Variants in BCL6 observed in about 807,000 individuals in gnomAD.
BCL6 encodes the protein B-cell lymphoma 6 protein.
Under a neutral mutation model 59.5 loss-of-function variants are expected in BCL6, and 7 were observed. That is an observed-to-expected ratio of 0.12 (90% CI 0.07 to 0.22). The LOEUF (loss-of-function observed/expected upper bound fraction) is 0.22. Among genes scored for constraint, BCL6 ranks in the 10% least tolerant of loss-of-function variants. BCL6 has a pLI of 1.00. For missense variants in BCL6, 685 were observed against 939.4 expected, an observed-to-expected ratio of 0.73 and a Z score of 3.54; for synonymous variants, 339 against 349.7, an observed-to-expected ratio of 0.97 and a Z score of 0.34.
chr3:187,743,757 G>T, intron 1 of BCL6, among the ~76,000 whole-genome samples: 1 of 140,572 alleles, frequency 7.1e-6, no homozygotes, highest in East Asian at 2.3e-4. Flanking sequence ...CGCCCCCGGA[G>T]CTCAGCCGAT....
In BCL6 at chr3:187,728,922, AACTC is replaced by A. The variant is rs1718869321; in HGVS notation, c.1355+124_1355+127del. The A allele has an allele frequency of 4.7e-6, 6 of 1,281,764 alleles. No individual in the cohort carries two copies. In the East Asian group the frequency reaches 1.5e-4, roughly 33 times the overall value. 79.4% of individuals were successfully genotyped at this position (1,281,764 alleles called of 1,614,324 possible). ...TGTAAAATACTTCCTTACTCAGACT[AACTC>A]AATCTATAGGCACTGATTCCACACC... On this transcript the variant is annotated intron_variant, in intron 5 of 9. Coordinates refer to ENST00000406870, the MANE Select transcript of BCL6 (RefSeq NM_001706.5).
intron 6 of BCL6, among the ~76,000 whole-genome samples, chr3:187,727,469 C>T (rs1464645): frequency 0.2 from 30,954 of 152,184 alleles, 4,052 homozygotes; most frequent in African/African-American, 0.38. Context: ...GAATCAATGA[C>T]GAACACTCTG....
intron 5 of BCL6, among the ~76,000 whole-genome samples, 189 bp from the exon 6 acceptor site, chr3:187,728,733 A>T (rs1422982003): frequency 6.6e-6 from 1 of 152,082 alleles, no homozygotes; most frequent in Non-Finnish European, 1.5e-5. Context: ...GGTCAAACTG[A>T]GCCAGAGCTT....
chr3:187,738,907 T>C (rs1719413366), intron 1 of BCL6, among the ~76,000 whole-genome samples: 1 of 152,178 alleles, frequency 6.6e-6, no homozygotes, highest in African/African-American at 2.4e-5. Context: ...TCTGGGAAGT[T>C]AAAATGAAGT....
intron 1 of BCL6, chr3:187,737,606 A>C (rs1719351585): frequency 1.3e-5 from 2 of 152,654 alleles, no homozygotes; most frequent in Admixed American, 1.3e-4. Flanking sequence ...CCTGTCTTCC[A>C]GGGACTGCCC....
intron 1 of BCL6, among the ~76,000 whole-genome samples, chr3:187,743,309 T>C (rs1393658653): frequency 2.0e-5 from 3 of 151,322 alleles, no homozygotes; most frequent in Non-Finnish European, 2.9e-5. Flanking sequence ...CCATAAAAGA[T>C]TAAATCCTGG....
In BCL6 at chr3:187,733,618, G is replaced by A. The variant is rs779268890; in HGVS notation, c.76C>T (p.Arg26Trp). The A allele has an allele frequency of 1.1e-4, 174 of 1,613,938 alleles. No individual in the cohort carries two copies. Among genetic ancestry groups the A allele is most frequent in the Non-Finnish European group, 1.4e-4 (167 of 1,179,994 alleles). The change falls in exon 3 of 10, where the codon CGG (arginine) becomes TGG (tryptophan). Residue 26 changes from arginine to tryptophan, a missense_variant. Physicochemically the swap from Arg to Trp is moderately radical, Grantham distance 101. Around this residue, in one of 7 missense-constraint regions of BCL6, gnomAD observed 102 missense variants for 176.6 expected, o/e 0.58. Coordinates refer to ENST00000406870, the MANE Select transcript of BCL6 (RefSeq NM_001706.5). ...ACATCAGTCAAGATGTCTCGACTCC[G>A]GAGACGATTAAGGTTGAGAAGAACA... Reference protein sequence around the residue: ...SDVLLNLNRLRSRDILTDVVI... With the variant: ...SDVLLNLNRLWSRDILTDVVI...
Position 187,722,400 on chromosome 3 carries a change from T to C in BCL6, c.*58A>G, listed in dbSNP as rs1718465566. On this transcript the variant is annotated 3_prime_UTR_variant, in exon 10 of 10. Coordinates refer to ENST00000406870, the MANE Select transcript of BCL6 (RefSeq NM_001706.5). The stretch of plus-strand genomic sequence containing the variant: ...GGATGAACATTGTAAAGTGTTACAG[T>C]ATCCTTTGGGTAGATTCTGAGAAGG... 4.8e-6 allele frequency: 7 copies of C among 1,461,708 alleles called. No individual in the cohort carries two copies. Among genetic ancestry groups the C allele is most frequent in the South Asian group, 2.4e-5 (2 of 83,114 alleles). 90.5% of individuals were successfully genotyped at this position (1,461,708 alleles called of 1,614,324 possible).
chr3:187,735,500 G>T (rs2108473879), intron 1 of BCL6, among the ~76,000 whole-genome samples: 1 of 152,312 alleles, frequency 6.6e-6, no homozygotes, highest in African/African-American at 2.4e-5. Context: ...TATAGACTCT[G>T]CAGAACACAG....
intron 6 of BCL6, 143 bp downstream of exon 6, chr3:187,728,217 C>A: frequency 3.4e-6 from 3 of 874,440 alleles, no homozygotes; most frequent in Non-Finnish European, 3.3e-6. Flanking sequence ...GGATGAACGG[C>A]TGGTGACTTG....
intron 1 of BCL6, among the ~76,000 whole-genome samples, chr3:187,744,954 C>T (rs145103853): frequency 6.6e-5 from 10 of 152,162 alleles, no homozygotes; most frequent in South Asian, 2.1e-4. Context: ...GGCCAGACAG[C>T]CCCCAGACTA....
chr3:187,745,435 T>C lies in BCL6; in HGVS notation c.-75A>G, dbSNP rs1711910609. The C allele has an allele frequency of 5.0e-6, 2 of 399,722 alleles. No homozygotes were observed. Among genetic ancestry groups the C allele is most frequent in the Admixed American group, 4.4e-5 (1 of 22,722 alleles). The allele number at this position is 399,722 out of a possible 1,614,324, so 24.8% of individuals were successfully genotyped here. ...CTGGTGTCCGGCCTTTCCTAGAAAC[T>C]TCTTGCATCACCACTTCTAAGAACC... is the stretch of plus-strand genomic sequence containing the variant. On this transcript the variant is annotated 5_prime_UTR_variant, in exon 1 of 10. Coordinates refer to ENST00000406870, the MANE Select transcript of BCL6 (RefSeq NM_001706.5).
At chr3:187,741,725 G>C (rs1711599637) in intron 1 of BCL6, among the ~76,000 whole-genome samples, 1 of 152,176 alleles carries the variant, frequency 6.6e-6, no homozygotes, top group South Asian at 2.1e-4. Flanking sequence ...GAGGGCTACA[G>C]ACCAGCCTAC....
At chr3:187,744,713 C>G (rs943671027) in intron 1 of BCL6, among the ~76,000 whole-genome samples, 3 of 152,154 alleles carry the variant, frequency 2.0e-5, no homozygotes, top group East Asian at 1.9e-4. Context: ...GGCAGCCTCC[C>G]TTTTTGCCTC....
chr3:187,730,482 C>G (rs1718988750), intron 4 of BCL6, among the ~76,000 whole-genome samples: 1 of 152,220 alleles, frequency 6.6e-6, no homozygotes, highest in Non-Finnish European at 1.5e-5. Flanking sequence ...TGGTATGACA[C>G]TTTTGGAGGA....
rs760940345 is a variant in BCL6, at chr3:187,729,548, G to A, written c.857C>T (p.Pro286Leu). 3.7e-6 allele frequency: 6 copies of A among 1,613,956 alleles called. No individual in the cohort carries two copies. The highest frequency in any genetic ancestry group is 1.1e-5 in the South Asian group (1 of 91,082). ...SVAEGLKPAA[P>L]SARNAPYFPC... ...GAAGTAGGGGGCATTTCGGGCTGAG[G>A]GGGCAGCAGGTTTGAGGCCCTCAGC... The change falls in exon 5 of 10, where the codon CCC (proline) becomes CTC (leucine). Residue 286 changes from proline to leucine, a missense_variant. Coordinates refer to ENST00000406870, the MANE Select transcript of BCL6 (RefSeq NM_001706.5). The surrounding 1 kb of genome is among the most constrained non-coding windows in gnomAD (Gnocchi z 5.6).
At chr3:187,738,223 G>T (rs1173637570) in intron 1 of BCL6, among the ~76,000 whole-genome samples, 1 of 152,104 alleles carries the variant, frequency 6.6e-6, no homozygotes, top group Non-Finnish European at 1.5e-5. Flanking sequence ...AAGTTTATTT[G>T]CTTTTTTCCC....
chr3:187,729,994 C>G lies in BCL6; in HGVS notation c.411G>C (p.Lys137Asn), dbSNP rs1718958703. ...ASEAEMVSAI[K>N]PPREEFLNSR... ...TGTTGAGGAACTCTTCACGAGGAGG[C>G]TTGATGGCAGAAACCATCTCTGCTT... Residue 137 changes from lysine to asparagine, a missense_variant, in exon 5 of 10, where the codon AAG (lysine) becomes AAC (asparagine). Around this residue, in one of 7 missense-constraint regions of BCL6, gnomAD observed 268 missense variants for 263.8 expected, o/e 1.02. Coordinates refer to ENST00000406870, the MANE Select transcript of BCL6 (RefSeq NM_001706.5). The surrounding 1 kb of genome is among the most constrained non-coding windows in gnomAD (Gnocchi z 5.6). The G allele has an allele frequency of 6.3e-7, 1 of 1,577,176 alleles. No homozygotes were observed. The highest frequency in any genetic ancestry group is 8.6e-7 in the Non-Finnish European group (1 of 1,159,976).
intron 6 of BCL6, among the ~76,000 whole-genome samples, chr3:187,728,093 C>T (rs1415285843): frequency 6.6e-6 from 1 of 152,152 alleles, no homozygotes; most frequent in African/African-American, 2.4e-5. Flanking sequence ...CCACAAGCTA[C>T]TTTTGCTGGC....
Sources: allele counts gnomAD v4.1 joint callset (sites outside exome capture counted in the v4.1 genomes callset), GRCh38; gene constraint gnomAD v4.1.1; regional missense constraint gnomAD v4.1.1; non-coding constraint Gnocchi (gnomAD v3.1); transcripts MANE v1.5; gene names NCBI Gene and HGNC (gene_info 2026-07-23, HGNC 2026-07-21).